The following SOX5 variants were observed in gnomAD, a reference collection of about 807,000 sequenced individuals.
SOX5 encodes SRY-box transcription factor 5.
Under a neutral mutation model 92.0 loss-of-function variants are expected in SOX5, and 9 were observed. That is an observed-to-expected ratio of 0.10 (90% CI 0.06 to 0.17). The LOEUF is 0.17. Ranked by LOEUF, SOX5 falls within the 10% of genes least tolerant of loss-of-function variation. The pLI, the probability that SOX5 is intolerant of heterozygous loss-of-function variation, is 1.00. For synonymous variants in SOX5, 344 were observed against 336.3 expected, an observed-to-expected ratio of 1.02 and a Z score of -0.25; for missense variants, 642 against 944.5, an observed-to-expected ratio of 0.68 and a Z score of 4.20.
At chr12:23,640,162 A>C (rs1055754406) in intron 8 of SOX5, among the ~76,000 whole-genome samples, 6 of 152,216 alleles carry the variant, frequency 3.9e-5, no homozygotes, top group African/African-American at 1.4e-4. Context: ...TGTTACTATA[A>C]TTGTATTGAT....
intron 11 of SOX5, among the ~76,000 whole-genome samples, chr12:23,554,772 C>T (rs990189854): frequency 6.6e-6 from 1 of 152,130 alleles, no homozygotes. Flanking sequence ...ATGCGACATT[C>T]CTCCTATTTT....
intron 2 of SOX5, among the ~76,000 whole-genome samples, chr12:23,878,071 C>G (rs1044323414): frequency 6.6e-6 from 1 of 151,852 alleles, no homozygotes; most frequent in East Asian, 1.9e-4. Flanking sequence ...TTAAAGTTAT[C>G]GCTATTAGAA....
Position 23,839,468 on chromosome 12 carries a change from A to G in SOX5, c.481+6515T>C, listed in dbSNP as rs900269557. ...CATCTCAAATGAAAATCAAAAATTAACATGAGAGGGAAACACTTCCTAACT... is the reference window on the plus strand; with the variant it reads ...CATCTCAAATGAAAATCAAAAATTAGCATGAGAGGGAAACACTTCCTAACT... On this transcript the variant is annotated intron_variant, in intron 3 of 14. Transcript: ENST00000451604. 3.3e-5 allele frequency among the ~76,000 whole-genome samples: 5 copies of G among 152,144 alleles called. No individual in the cohort carries two copies. The East Asian group carries it at 9.6e-4, about 29-fold the overall frequency.
intron 1 of SOX5, among the ~76,000 whole-genome samples, chr12:24,531,068 G>A (rs554339246): frequency 4.6e-5 from 7 of 152,166 alleles, no homozygotes; most frequent in East Asian, 1.9e-4. Context: ...CTGTTTATCC[G>A]TGGAAATTAT....
At chr12:24,464,375 T>G (rs1755427689) in intron 1 of SOX5, among the ~76,000 whole-genome samples, 1 of 151,494 alleles carries the variant, frequency 6.6e-6, no homozygotes, top group East Asian at 1.9e-4. Flanking sequence ...CAGGCTGAAG[T>G]GCAGTGGCAC....
At chr12:24,412,841 G>A (rs536528383) in intron 1 of SOX5, among the ~76,000 whole-genome samples, 14 of 140,338 alleles carry the variant, frequency 1.0e-4, no homozygotes, top group South Asian at 6.7e-4. Flanking sequence ...TGCGAGCTCC[G>A]CCTCCTGGGT....
intron 2 of SOX5, among the ~76,000 whole-genome samples, chr12:24,282,725 C>T (rs749150675): frequency 2.6e-5 from 4 of 152,156 alleles, no homozygotes; most frequent in Non-Finnish European, 4.4e-5. Flanking sequence ...CTATTAGCGC[C>T]GCTCCCATTT....
rs185110089 is a variant in SOX5, at chr12:23,846,567, G to C, written c.271-374C>G. ...TTTGTTTATTTTCCTGCTTTTGTTT[G>C]AGAGCCTCAGATTTTCTTATGGGTA... is the stretch of plus-strand genomic sequence containing the variant. On this transcript the variant is annotated intron_variant, in intron 2 of 14. Transcript: ENST00000451604. Among the ~76,000 whole-genome samples the C allele has an allele frequency of 5.3e-4, 80 of 152,242 alleles. 1 individual carries two copies. The highest frequency in any genetic ancestry group is 4.6e-3 in the Admixed American group (70 of 15,290).
Position 23,970,841 on chromosome 12 carries a change from A to ATATATATATATATATATTTT in SOX5, c.-1-74818_-1-74817insAAAATATATATATATATATA. 4.1e-4 allele frequency among the ~76,000 whole-genome samples: 9 copies of ATATATATATATATATATTTT among 21,884 alleles called. 2 individuals carry two copies. Among genetic ancestry groups the ATATATATATATATATATTTT allele is most frequent in the East Asian group, 1.7e-3 (2 of 1,156 alleles). 14.4% of individuals were successfully genotyped at this position (21,884 alleles called of 152,430 possible). On this transcript the variant is annotated intron_variant, in intron 4 of 4. Transcript: ENST00000446891. ...ACATGGGACTTTATATATATATATAATTTTTTTTTTTTTTTAAGAAATGGG... is the reference window on the plus strand; with the variant it reads ...ACATGGGACTTTATATATATATATAATATATATATATATATATTTTTTTTTTTTTTTTTTTAAGAAATGGG...
chr12:24,225,962 A>G (rs2728845), intron 3 of SOX5, among the ~76,000 whole-genome samples: 77,886 of 152,028 alleles, frequency 0.51, 20,274 homozygotes, highest in East Asian at 0.73. Context: ...AGTATTAAAT[A>G]TAGTGGGATA....
intron 2 of SOX5, among the ~76,000 whole-genome samples, chr12:24,308,744 T>C (rs1948870777): frequency 6.6e-6 from 1 of 152,114 alleles, no homozygotes; most frequent in African/African-American, 2.4e-5. Context: ...ACCCATAGAC[T>C]CCCAGTGGCA....
intron 4 of SOX5, among the ~76,000 whole-genome samples, chr12:24,112,397 A>G (rs1243105750): frequency 6.6e-6 from 1 of 152,162 alleles, no homozygotes; most frequent in African/African-American, 2.4e-5. Flanking sequence ...CTAGCCCTCA[A>G]AACCTAAAAT....
intron 4 of SOX5, among the ~76,000 whole-genome samples, chr12:24,049,240 T>C (rs899733009): frequency 2.0e-5 from 3 of 152,160 alleles, no homozygotes; most frequent in African/African-American, 4.8e-5. Context: ...CAAGGTAGAC[T>C]TCTAATAACT....
intron 6 of SOX5, among the ~76,000 whole-genome samples, chr12:23,704,145 C>T (rs2091048125): frequency 6.6e-6 from 1 of 151,894 alleles, no homozygotes. Flanking sequence ...TCTACTTCCT[C>T]CAATGACTCC....
intron 2 of SOX5, among the ~76,000 whole-genome samples, chr12:24,366,253 T>C (rs575600610): frequency 6.6e-6 from 1 of 152,250 alleles, no homozygotes; most frequent in South Asian, 2.1e-4. Flanking sequence ...TTTCAGTTAA[T>C]AGTACCCTAT....
intron 2 of SOX5, among the ~76,000 whole-genome samples, chr12:24,328,643 C>T (rs192206697): frequency 4.6e-5 from 7 of 152,272 alleles, no homozygotes; most frequent in Admixed American, 3.9e-4. Context: ...AATTATTTAA[C>T]CCTTTCACCC....
chr12:24,099,386 A>C (rs1593151151), intron 4 of SOX5, among the ~76,000 whole-genome samples: 1 of 152,304 alleles, frequency 6.6e-6, no homozygotes, highest in East Asian at 1.9e-4. Flanking sequence ...GAACTGCACT[A>C]TGATATAATC....
intron 6 of SOX5, among the ~76,000 whole-genome samples, chr12:23,688,371 C>T (rs142044760): frequency 9.2e-5 from 14 of 152,206 alleles, no homozygotes; most frequent in African/African-American, 3.4e-4. Context: ...GATACACTCT[C>T]AGTATTGGAA....
At chr12:24,121,444 C>A (rs12372096) in intron 4 of SOX5, among the ~76,000 whole-genome samples, 7,715 of 151,998 alleles carry the variant, frequency 0.051, 261 homozygotes, top group Middle Eastern at 0.085. Flanking sequence ...TTGCTGAAAC[C>A]GAACAGGAAC....
Sources: allele counts gnomAD v4.1 joint callset (sites outside exome capture counted in the v4.1 genomes callset), GRCh38; gene constraint gnomAD v4.1.1; transcripts MANE v1.5; gene names NCBI Gene and HGNC (gene_info 2026-07-23, HGNC 2026-07-21).